The following IL31RA variants were observed in gnomAD, a reference collection of about 807,000 sequenced individuals.
IL31RA encodes interleukin 31 receptor A.
In IL31RA, 66 loss-of-function variants were observed where a neutral mutation model predicts 83.7. The observed-to-expected ratio is 0.79, with a 90% CI of 0.65 to 0.97. The LOEUF (loss-of-function observed/expected upper bound fraction) is 0.97, where lower values mean the gene tolerates loss of function less well. Among genes scored for constraint, IL31RA ranks in the 50% least tolerant of loss-of-function variants. The pLI, the probability that IL31RA is intolerant of heterozygous loss-of-function variation, is 0.00. For missense variants in IL31RA, 798 were observed against 919.4 expected (o/e 0.87, Z 1.71); for synonymous variants, 325 against 329.0 (o/e 0.99, Z 0.13).
intron 5 of IL31RA, among the ~76,000 whole-genome samples, chr5:55,886,268 C>CTTTT (rs35481013): frequency 7.8e-4 from 56 of 71,492 alleles, no homozygotes; most frequent in East Asian, 1.4e-3. Context: ...TGCTTGCTTG[C>CTTTT]TTTTTTTTTT....
intron 2 of IL31RA, among the ~76,000 whole-genome samples, chr5:55,863,609 A>T (rs910879536): frequency 1.3e-5 from 2 of 152,240 alleles, no homozygotes; most frequent in African/African-American, 4.8e-5. Flanking sequence ...GTGAGCATTC[A>T]TTTTATCTAC....
chr5:55,892,402 T>C (rs1748059802), intron 6 of IL31RA, among the ~76,000 whole-genome samples: 1 of 152,304 alleles, frequency 6.6e-6, no homozygotes, highest in African/African-American at 2.4e-5. Flanking sequence ...TCAACTTCTG[T>C]GCTACCTCAT....
In IL31RA at chr5:55,917,509, G is replaced by A. The variant is rs533827689; in HGVS notation, c.*389G>A. ...GCCTTTGCTGGGGCTGAGCCTCAGA[G>A]TTCCAGAAGGCCTTTCCCTGCTGCC... On this transcript the variant is annotated 3_prime_UTR_variant, in exon 15 of 15. Coordinates refer to ENST00000652347, the MANE Select transcript of IL31RA (RefSeq NM_139017.7). 6.6e-6 allele frequency among the ~76,000 whole-genome samples: 1 copy of A among 152,320 alleles called. No homozygotes were observed. Among genetic ancestry groups the A allele is most frequent in the Admixed American group, 6.5e-5 (1 of 15,308 alleles).
rs758880149 is a variant in IL31RA at position 55,908,343 on chromosome 5, A to G, written c.1433A>G (p.Lys478Arg). The stretch of plus-strand genomic sequence containing the variant: ...ACGATCACATGGAAAGAGATTCCCA[A>G]GAGTGAGAGAAAGGGTATCATCTGC... ...TVTITWKEIP[K>R]SERKGIICNY... Residue 478 changes from lysine to arginine, a missense_variant, in exon 11 of 15, where the codon AAG becomes AGG. Coordinates refer to ENST00000652347, the MANE Select transcript of IL31RA (RefSeq NM_139017.7). 6.2e-7 allele frequency: 1 copy of G among 1,614,234 alleles called. No individual in the cohort carries two copies. Among genetic ancestry groups the G allele is most frequent in the Non-Finnish European group, 8.5e-7 (1 of 1,180,042 alleles).
chr5:55,867,194 TGTGTTTGTGTGTGTGC>T lies in IL31RA; in HGVS notation c.155-1595_155-1580del, dbSNP rs1746169291. On this transcript the variant is annotated intron_variant, in intron 2 of 14. Coordinates refer to ENST00000652347, the MANE Select transcript of IL31RA (RefSeq NM_139017.7). ...ATGTGTGTGTGCATGTGTGTTTGTG[TGTGTTTGTGTGTGTGC>T]GCATGTGTGTTTGTGTGTGTGTTTG... 9.4e-5 allele frequency among the ~76,000 whole-genome samples: 4 copies of T among 42,708 alleles called. 1 individual carries two copies. Among genetic ancestry groups the T allele is most frequent in the Admixed American group, 3.1e-4 (2 of 6,428 alleles). The allele number at this position is 42,708 out of a possible 152,430, so 28.0% of individuals were successfully genotyped here. A position where few individuals can be genotyped will look rare whatever the true frequency, so the allele number is the denominator to read the frequency against.
intron 9 of IL31RA, among the ~76,000 whole-genome samples, chr5:55,906,705 C>T (rs1238818015): frequency 6.6e-6 from 1 of 152,160 alleles, no homozygotes; most frequent in East Asian, 1.9e-4. Context: ...CAGGAAAGTC[C>T]CTGCCCTACG....
chr5:55,920,351 C>T lies in IL31RA; in HGVS notation c.*3231C>T, dbSNP rs374738565. On this transcript the variant is annotated 3_prime_UTR_variant, in exon 15 of 15. Coordinates refer to ENST00000652347, the MANE Select transcript of IL31RA (RefSeq NM_139017.7). The stretch of plus-strand genomic sequence containing the variant: ...CCCTGCCACCCAGGGCAGTGGCCCA[C>T]GGGCCAAATCCAGGCCCTGTTTTTG... 8.5e-5 allele frequency among the ~76,000 whole-genome samples: 13 copies of T among 152,348 alleles called. No homozygotes were observed. The South Asian group carries it at 1.0e-3, about 12-fold the overall frequency.
chr5:55,843,231 G>A, the IL31RA span, among the ~76,000 whole-genome samples: 3 of 152,204 alleles, frequency 2.0e-5, no homozygotes, highest in South Asian at 2.1e-4. Context: ...AGTGTTTCCT[G>A]TGGTCCCAGA....
rs552419439 is a variant in IL31RA, at chr5:55,868,214, A to C, written c.155-577A>C. ...AATTCTACCCATGGACCCCTTAAAG[A>C]TCTAGGTCCCTGTTCTAGATGGTAG... On this transcript the variant is annotated intron_variant, in intron 2 of 14. Coordinates refer to ENST00000652347, the MANE Select transcript of IL31RA (RefSeq NM_139017.7). Among the ~76,000 whole-genome samples the C allele has an allele frequency of 7.2e-5, 11 of 152,310 alleles. No individual in the cohort carries two copies. In the South Asian group the frequency reaches 1.7e-3, roughly 23 times the overall value.
At chr5:55,847,703 GTACA>G (rs1365966516), upstream of IL31RA, among the ~76,000 whole-genome samples, 6 of 152,084 alleles carry the variant, frequency 3.9e-5, no homozygotes, top group Non-Finnish European at 7.3e-5. Context: ...ATCATGAATG[GTACA>G]TTACTATTAG....
intron 3 of IL31RA, among the ~76,000 whole-genome samples, chr5:55,871,813 A>G (rs1580676531): frequency 6.6e-6 from 1 of 151,482 alleles, no homozygotes; most frequent in Non-Finnish European, 1.5e-5. Flanking sequence ...TAAATACAGT[A>G]TGTTAAAAAC....
chr5:55,890,908 C>CA (rs1259951301), intron 6 of IL31RA, among the ~76,000 whole-genome samples: 1 of 152,204 alleles, frequency 6.6e-6, no homozygotes, highest in Non-Finnish European at 1.5e-5. Context: ...AATCCCAAGC[C>CA]AGGTGTCTTT....
At chr5:55,851,036 G>A (rs1561531637), upstream of IL31RA, among the ~76,000 whole-genome samples, 1 of 151,960 alleles carries the variant, frequency 6.6e-6, no homozygotes, top group Admixed American at 6.6e-5. Flanking sequence ...TGGAGGTTGC[G>A]GTGAGCTGAG....
chr5:55,890,531 G>A (rs556480203), intron 6 of IL31RA, among the ~76,000 whole-genome samples: 87 of 152,138 alleles, frequency 5.7e-4, no homozygotes, highest in Non-Finnish European at 1.1e-3. Context: ...GACCATGCCC[G>A]GTTGATTTTT....
chr5:55,859,734 T>TTG (rs1745557646), intron 2 of IL31RA, 135 bp downstream of exon 2: 1 of 734,582 alleles, frequency 1.4e-6, no homozygotes, highest in Non-Finnish European at 2.5e-6. Flanking sequence ...CACCCTGAAT[T>TTG]TGTGTGTGTG....
intron 2 of IL31RA, among the ~76,000 whole-genome samples, chr5:55,868,415 C>T (rs1483917429): frequency 6.6e-6 from 1 of 152,180 alleles, no homozygotes; most frequent in African/African-American, 2.4e-5. Flanking sequence ...TGTATTCTTG[C>T]TTATGCCCAC....
chr5:55,883,195 G>C lies in IL31RA; in HGVS notation c.606G>C (p.Trp202Cys), dbSNP rs1164862739. ...TCAGGACAGTCAACAGTACCAGCTG[G>C]GTAAGTTATGCCATTATAATAATAT... ...LRFRTVNSTSWMEVNFAKNRK... is the reference protein window; with the variant it reads ...LRFRTVNSTSCMEVNFAKNRK... The change falls in exon 5 of 15, where the codon TGG becomes TGC. Residue 202 changes from tryptophan to cysteine, a missense_variant and splice_region_variant. Trp to Cys is a radical substitution (Grantham distance 215). Transcript: ENST00000652347. 2.5e-6 allele frequency: 4 copies of C among 1,611,174 alleles called. No homozygotes were observed. In the Admixed American group the frequency reaches 5.0e-5, roughly 20 times the overall value.
intron 2 of IL31RA, among the ~76,000 whole-genome samples, chr5:55,867,077 ATG>A (rs1193463605): frequency 8.1e-6 from 1 of 124,042 alleles, no homozygotes; most frequent in Non-Finnish European, 1.8e-5. Context: ...TTAGTTGTGC[ATG>A]TGTGTTTGTG....
In IL31RA at chr5:55,917,145, G is replaced by C. The variant is rs768978435; in HGVS notation, c.*25G>C. On this transcript the variant is annotated 3_prime_UTR_variant, in exon 15 of 15. Transcript: ENST00000652347. ...AATGCGACCATAGCATGAGACCCTC[G>C]GGGCCTCAGTGTGGATGGCCCTTGC... 1 of 1,613,594 alleles carries C rather than the reference G, an allele frequency of 6.2e-7. No individual in the cohort carries two copies. Among genetic ancestry groups the C allele is most frequent in the African/African-American group, 1.3e-5 (1 of 74,910 alleles).
Sources: allele counts gnomAD v4.1 joint callset (sites outside exome capture counted in the v4.1 genomes callset), GRCh38; gene constraint gnomAD v4.1.1; transcripts MANE v1.5; gene names NCBI Gene and HGNC (gene_info 2026-07-23, HGNC 2026-07-21).